ARSB: variants seen among roughly 807,000 people sequenced by gnomAD.
ARSB encodes the protein N-acetylgalactosamine-4-sulfatase.
A neutral mutation model predicts 50.9 loss-of-function variants in ARSB; 41 were observed. The observed-to-expected ratio is 0.81, with a 90% CI of 0.63 to 1.04. The LOEUF (loss-of-function observed/expected upper bound fraction) is 1.04, where lower values mean the gene tolerates loss of function less well. Among genes scored for constraint, ARSB ranks in the 50% least tolerant of loss-of-function variants. The probability of loss-of-function intolerance (pLI) is 0.00; values close to 1 mark genes in which losing one functional copy is unlikely to be tolerated. For missense variants in ARSB, 672 were observed against 693.3 expected (o/e 0.97, Z 0.35); for synonymous variants, 269 against 284.8 (o/e 0.94, Z 0.56).
intron 5 of ARSB, among the ~76,000 whole-genome samples, chr5:78,871,635 C>T (rs939396001): frequency 7.0e-6 from 1 of 142,532 alleles, no homozygotes; most frequent in African/African-American, 2.5e-5. Context: ...GAAACTGGAT[C>T]CCTTCCTTAC....
At chr5:78,916,872 G>A (rs555948346) in intron 4 of ARSB, among the ~76,000 whole-genome samples, 42 of 152,296 alleles carry the variant, frequency 2.8e-4, no homozygotes, top group African/African-American at 9.9e-4. Flanking sequence ...AACTTGCTAT[G>A]TGCCAAGCAC....
chr5:78,903,384 G>A (rs1362878432), intron 4 of ARSB, among the ~76,000 whole-genome samples: 1 of 152,202 alleles, frequency 6.6e-6, no homozygotes, highest in Non-Finnish European at 1.5e-5. Context: ...ATATATCTCA[G>A]CACAAAAGAT....
chr5:78,873,539 A>G (rs1313843046), intron 5 of ARSB, among the ~76,000 whole-genome samples: 1 of 108,822 alleles, frequency 9.2e-6, no homozygotes, highest in Non-Finnish European at 1.8e-5. Flanking sequence ...TCTGTCGCCC[A>G]GGCTGGAGTG....
At chr5:78,789,653 C>G (rs1235482394) in intron 6 of ARSB, among the ~76,000 whole-genome samples, 1 of 152,126 alleles carries the variant, frequency 6.6e-6, no homozygotes, top group Non-Finnish European at 1.5e-5. Flanking sequence ...AGAGTGAATT[C>G]AAGAAGGACT....
At chr5:78,897,120 C>G (rs1052148184) in intron 4 of ARSB, among the ~76,000 whole-genome samples, 8 of 151,880 alleles carry the variant, frequency 5.3e-5, no homozygotes, top group Non-Finnish European at 1.5e-5. Flanking sequence ...TATATTAAAA[C>G]CACGCAAAAA....
At chr5:78,944,097 C>T (rs1241341893) in intron 4 of ARSB, among the ~76,000 whole-genome samples, 2 of 152,226 alleles carry the variant, frequency 1.3e-5, no homozygotes, top group South Asian at 2.1e-4. Context: ...GCATTCGTCA[C>T]GTAGTTCTCG....
chr5:78,791,002 C>T (rs1749219848), intron 6 of ARSB, among the ~76,000 whole-genome samples: 1 of 152,172 alleles, frequency 6.6e-6, no homozygotes. Context: ...GTTTGGCCTG[C>T]CATTCATTTC....
At position 78,985,233 on chromosome 5, in the gene ARSB, C is replaced by T; in HGVS notation, c.16G>A (p.Ala6Thr). ...CCGGGGCCTCGGGGCAAGCTCGCCG[C>T]GCCGCGCGGACCCATCCTTGTCCGC... MGPRG[A>T]ASLPRGPGPR... The change falls in exon 1 of 8, where the codon GCG becomes ACG. Residue 6 changes from alanine (A) to threonine (T), a missense_variant. By Grantham distance (58) the Ala-to-Thr change is moderately conservative. Coordinates refer to ENST00000264914, the MANE Select transcript of ARSB (RefSeq NM_000046.5). The T allele has an allele frequency of 7.5e-7, 1 of 1,328,852 alleles. No individual in the cohort carries two copies. Among genetic ancestry groups the T allele is most frequent in the Non-Finnish European group, 9.6e-7 (1 of 1,046,284 alleles). The allele number at this position is 1,328,852 out of a possible 1,614,324, so 82.3% of individuals were successfully genotyped here. A position where few individuals can be genotyped will look rare whatever the true frequency, so the allele number is the denominator to read the frequency against.
intron 4 of ARSB, among the ~76,000 whole-genome samples, chr5:78,898,079 C>A (rs908671491): frequency 1.3e-5 from 2 of 152,064 alleles, no homozygotes. Flanking sequence ...ACCAGCCTGG[C>A]CAACATGGAG....
At chr5:78,827,534 T>G (rs900059998) in intron 6 of ARSB, among the ~76,000 whole-genome samples, 12 of 152,218 alleles carry the variant, frequency 7.9e-5, no homozygotes, top group Non-Finnish European at 1.8e-4. Flanking sequence ...TACTTGAGAT[T>G]ATTCTAACAC....
chr5:78,781,072 C>G (rs1748910444), intron 7 of ARSB, among the ~76,000 whole-genome samples: 1 of 152,156 alleles, frequency 6.6e-6, no homozygotes, highest in Non-Finnish European at 1.5e-5. Flanking sequence ...CAGCCTTAAC[C>G]ATCATCCCAC....
chr5:78,833,132 G>A (rs937515576), intron 6 of ARSB, among the ~76,000 whole-genome samples: 3 of 152,150 alleles, frequency 2.0e-5, no homozygotes, highest in Admixed American at 6.5e-5. Flanking sequence ...GGCCTTGCAG[G>A]AGTGTGGAAT....
chr5:78,811,723 G>A (rs984265639), intron 6 of ARSB, among the ~76,000 whole-genome samples: 4 of 152,114 alleles, frequency 2.6e-5, no homozygotes, highest in African/African-American at 9.7e-5. Context: ...ATGTGTGAGA[G>A]GAAAAAGCAA....
chr5:78,858,900 A>G (rs147565264), intron 5 of ARSB, among the ~76,000 whole-genome samples: 1,765 of 152,346 alleles, frequency 0.012, 20 homozygotes, highest in Non-Finnish European at 0.013. Flanking sequence ...AGGTGTCTAC[A>G]GGATAGGTTG....
chr5:78,931,741 GT>G lies in ARSB; in HGVS notation c.898+23553del, dbSNP rs1433541991. ...AGTTTGTCCTATGCTGATTGGTATG[GT>G]TTGGCTGTGTCCCCACCCAAATCTC... On this transcript the variant is annotated intron_variant, in intron 4 of 7. Coordinates refer to ENST00000264914, the MANE Select transcript of ARSB (RefSeq NM_000046.5). 6.6e-5 allele frequency among the ~76,000 whole-genome samples: 10 copies of G among 151,932 alleles called. No homozygotes were observed. In the South Asian group the frequency reaches 1.7e-3, roughly 25 times the overall value.
intron 4 of ARSB, among the ~76,000 whole-genome samples, chr5:78,892,618 G>T (rs338457): frequency 0.72 from 109,495 of 151,994 alleles, 40,221 homozygotes; most frequent in East Asian, 0.98. Flanking sequence ...TTGTGAGGGG[G>T]GTTGTTACTA....
Position 78,781,939 on chromosome 5 carries a change from A to G in ARSB, c.1249T>C (p.Ser417Pro). ...AAGGCTGAATATTCTGGAAGAGAAGAGTCATCCTTTGCTGGAGCCATGCTG... is the reference window on the plus strand; with the variant it reads ...AAGGCTGAATATTCTGGAAGAGAAGGGTCATCCTTTGCTGGAGCCATGCTG... Reference protein sequence around the residue: ...RNSMAPAKDDSSLPEYSAFNT... With the variant: ...RNSMAPAKDDPSLPEYSAFNT... Residue 417 changes from serine (S) to proline (P), a missense_variant, in exon 7 of 8, where the codon TCT (serine) becomes CCT (proline). Physicochemically the swap from Ser to Pro is moderately conservative, Grantham distance 74 (BLOSUM62 -1). Transcript: ENST00000264914. 1.9e-6 allele frequency: 3 copies of G among 1,614,150 alleles called. No individual in the cohort carries two copies. Among genetic ancestry groups the G allele is most frequent in the Non-Finnish European group, 2.5e-6 (3 of 1,179,980 alleles).
chr5:78,971,886 A>G (rs1422377019), intron 1 of ARSB, among the ~76,000 whole-genome samples: 8 of 152,256 alleles, frequency 5.3e-5, no homozygotes. Flanking sequence ...TTGTATGTCA[A>G]TCATATCTCA....
At chr5:78,840,654 A>G (rs1433400793) in intron 5 of ARSB, among the ~76,000 whole-genome samples, 1 of 152,172 alleles carries the variant, frequency 6.6e-6, no homozygotes, top group African/African-American at 2.4e-5. Flanking sequence ...GAGCATATTT[A>G]ACTTTGGTAT....
Sources: allele counts gnomAD v4.1 joint callset (sites outside exome capture counted in the v4.1 genomes callset), GRCh38; gene constraint gnomAD v4.1.1; transcripts MANE v1.5; gene names NCBI Gene and HGNC (gene_info 2026-07-23, HGNC 2026-07-21).